ILRUN: variants seen among roughly 807,000 people sequenced by gnomAD.
The protein encoded by ILRUN is inflammation and lipid regulator with UBA-like and NBR1-like domains, also known as protein ILRUN.
In ILRUN, 3 loss-of-function variants were observed where a neutral mutation model predicts 33.8. The observed-to-expected ratio is 0.09, with a 90% CI of 0.04 to 0.23. ILRUN has a LOEUF of 0.23. Ranked by LOEUF, ILRUN falls within the 10% of genes least tolerant of loss-of-function variation. ILRUN has a pLI of 1.00. For missense variants in ILRUN, 210 were observed against 375.1 expected (o/e 0.56, Z 3.64); for synonymous variants, 124 against 138.9 (o/e 0.89, Z 0.75).
In ILRUN at chr6:34,606,431, A is replaced by T. The variant is rs537801707; in HGVS notation, c.861+124T>A. Reference sequence around the variant, plus strand: ...TTTGCATTGTTGCTATTGGCAGGAGAGCTGAGCAGTCTTAAAGAACCTCCT... The same window carrying T: ...TTTGCATTGTTGCTATTGGCAGGAGTGCTGAGCAGTCTTAAAGAACCTCCT... On this transcript the variant is annotated intron_variant, in intron 4 of 4. Transcript: ENST00000374023. 9.0e-5 allele frequency: 61 copies of T among 681,484 alleles called. No homozygotes were observed. The South Asian group carries it at 1.1e-3, about 13-fold the overall frequency. 42.2% of individuals were successfully genotyped at this position (681,484 alleles called of 1,614,324 possible). A position where few individuals can be genotyped will look rare whatever the true frequency, so the allele number is the denominator to read the frequency against.
At chr6:34,678,006 C>G (rs1763273885) in intron 1 of ILRUN, among the ~76,000 whole-genome samples, 1 of 150,306 alleles carries the variant, frequency 6.7e-6, no homozygotes, top group South Asian at 2.1e-4. Context: ...TGTGTCTGGC[C>G]TGAGAATTGA....
At position 34,645,349 on chromosome 6, in the gene ILRUN, GAGA is replaced by G. The variant is rs202002663; in HGVS notation, c.511+1249_511+1251del. Among the ~76,000 whole-genome samples, 1,146 of 152,242 alleles carry G rather than the reference GAGA, an allele frequency of 7.5e-3. 20 individuals carry two copies. The highest frequency in any genetic ancestry group is 0.026 in the African/African-American group (1,091 of 41,538). ...CCGATTATCTCAGGGGGGTGCCAAT[GAGA>G]AGGATATAAGGTTGGTTTTTTTGTT... On this transcript the variant is annotated intron_variant, in intron 3 of 4. Transcript: ENST00000374023.
chr6:34,678,518 T>C (rs1763286596), intron 1 of ILRUN, among the ~76,000 whole-genome samples: 1 of 151,948 alleles, frequency 6.6e-6, no homozygotes, highest in Non-Finnish European at 1.5e-5. Context: ...TGGGTTTTTA[T>C]ATCCAACATT....
intron 1 of ILRUN, among the ~76,000 whole-genome samples, chr6:34,693,895 C>G (rs1763701928): frequency 6.6e-6 from 1 of 151,968 alleles, no homozygotes; most frequent in Non-Finnish European, 1.5e-5. Flanking sequence ...GCGATTTCAG[C>G]TCACTGCAGC....
intron 1 of ILRUN, among the ~76,000 whole-genome samples, chr6:34,657,290 G>C (rs1010980741): frequency 2.0e-5 from 3 of 152,172 alleles, no homozygotes; most frequent in Admixed American, 6.5e-5. Context: ...GTGCACTCAG[G>C]ACAATTGCCA....
chr6:34,663,345 C>T (rs1271701907), intron 1 of ILRUN, among the ~76,000 whole-genome samples: 1 of 152,082 alleles, frequency 6.6e-6, no homozygotes, highest in African/African-American at 2.4e-5. Context: ...ATCACTTGAG[C>T]CCAGGAGGTT....
At chr6:34,635,028 A>G (rs1024939797) in intron 3 of ILRUN, among the ~76,000 whole-genome samples, 14 of 150,856 alleles carry the variant, frequency 9.3e-5, no homozygotes, top group African/African-American at 3.2e-4. Context: ...TCAGTTAAAT[A>G]AAATGTATTA....
intron 1 of ILRUN, among the ~76,000 whole-genome samples, chr6:34,668,841 A>ATTT (rs34742011): frequency 3.6e-4 from 48 of 132,556 alleles, no homozygotes; most frequent in African/African-American, 1.0e-3. Context: ...TGCCTGGCTA[A>ATTT]TTTTTTTTTT....
rs1222499634 is a variant in ILRUN at position 34,587,453 on chromosome 6, C to G, written c.*3112G>C. 2.6e-5 allele frequency: 4 copies of G among 152,718 alleles called. No individual in the cohort carries two copies. Among genetic ancestry groups the G allele is most frequent in the Non-Finnish European group, 5.9e-5 (4 of 68,078 alleles). 9.5% of individuals were successfully genotyped at this position (152,718 alleles called of 1,614,324 possible). A position where few individuals can be genotyped will look rare whatever the true frequency, so the allele number is the denominator to read the frequency against. On this transcript the variant is annotated 3_prime_UTR_variant, in exon 5 of 5. Coordinates refer to ENST00000374023, the MANE Select transcript of ILRUN (RefSeq NM_024294.4). Reference sequence around the variant, plus strand: ...CAGGTGGGAAGGGCAGCCACTGCTGCTCCTGCATTCACCCAAGGAAACAAA... The same window carrying G: ...CAGGTGGGAAGGGCAGCCACTGCTGGTCCTGCATTCACCCAAGGAAACAAA...
chr6:34,593,028 A>T (rs1761327060), intron 4 of ILRUN, among the ~76,000 whole-genome samples: 1 of 151,834 alleles, frequency 6.6e-6, no homozygotes, highest in Non-Finnish European at 1.5e-5. Flanking sequence ...ATTTTTTTTT[A>T]ATTAGTTGGA....
chr6:34,645,220 ATTTAT>A lies in ILRUN; in HGVS notation c.511+1376_511+1380del, dbSNP rs1762543085. ...TCTGTGAAGGCAAGTACTATTTACT[ATTTAT>A]TTGTTTTTGATCTCCAGGACACAGG... On this transcript the variant is annotated intron_variant, in intron 3 of 4. Coordinates refer to ENST00000374023, the MANE Select transcript of ILRUN (RefSeq NM_024294.4). 3.3e-5 allele frequency among the ~76,000 whole-genome samples: 5 copies of A among 152,164 alleles called. No homozygotes were observed. The South Asian group carries it at 1.0e-3, about 31-fold the overall frequency.
At chr6:34,657,914 T>G (rs1317047112) in intron 1 of ILRUN, among the ~76,000 whole-genome samples, 1 of 152,234 alleles carries the variant, frequency 6.6e-6, no homozygotes. Flanking sequence ...GACCCAGCAT[T>G]CAGTGCAGTC....
intron 1 of ILRUN, 149 bp downstream of exon 1, chr6:34,696,297 G>A (rs1476827526): frequency 3.7e-6 from 3 of 801,178 alleles, no homozygotes; most frequent in Non-Finnish European, 3.8e-6. Context: ...CTATGCCCAC[G>A]GGGCTCCCCG....
intron 3 of ILRUN, among the ~76,000 whole-genome samples, chr6:34,619,300 T>C (rs866088438): frequency 5.3e-5 from 8 of 151,904 alleles, no homozygotes; most frequent in East Asian, 1.9e-4. Flanking sequence ...AGAATATATA[T>C]ATATATAGAA....
At chr6:34,638,302 T>C (rs1269191408) in intron 3 of ILRUN, among the ~76,000 whole-genome samples, 2 of 152,218 alleles carry the variant, frequency 1.3e-5, no homozygotes, top group Non-Finnish European at 2.9e-5. Flanking sequence ...AAAGATGAAA[T>C]AGCCTATCAT....
chr6:34,663,696 T>C (rs1762938568), intron 1 of ILRUN, among the ~76,000 whole-genome samples: 1 of 152,196 alleles, frequency 6.6e-6, no homozygotes, highest in Non-Finnish European at 1.5e-5. Flanking sequence ...CAGCATAAAA[T>C]CCACCCATTT....
At chr6:34,641,552 T>TCAA (rs918367205) in intron 3 of ILRUN, among the ~76,000 whole-genome samples, 15 of 152,282 alleles carry the variant, frequency 9.9e-5, no homozygotes, top group Admixed American at 7.8e-4. Context: ...GGCCCAGAAT[T>TCAA]CAACGAAACA....
intron 2 of ILRUN, among the ~76,000 whole-genome samples, chr6:34,650,967 C>G (rs541469906): frequency 6.6e-6 from 1 of 152,114 alleles, no homozygotes; most frequent in Non-Finnish European, 1.5e-5. Context: ...GAGAGTAAGA[C>G]AGCCAGAGGA....
At chr6:34,644,654 A>G (rs1762532819) in intron 3 of ILRUN, among the ~76,000 whole-genome samples, 1 of 152,190 alleles carries the variant, frequency 6.6e-6, no homozygotes, top group Non-Finnish European at 1.5e-5. Flanking sequence ...GGATAAAAGG[A>G]TAAGCAAAAC....
Sources: allele counts gnomAD v4.1 joint callset (sites outside exome capture counted in the v4.1 genomes callset), GRCh38; gene constraint gnomAD v4.1.1; transcripts MANE v1.5; gene names NCBI Gene and HGNC (gene_info 2026-07-23, HGNC 2026-07-21).